Variants in TGFBR1 observed in about 807,000 individuals in gnomAD.
The protein encoded by TGFBR1 is TGF-beta receptor type-1.
TGFBR1 carries 20 observed loss-of-function variants against 55.1 expected under a neutral mutation model. That is an observed-to-expected ratio of 0.36 (90% CI 0.26 to 0.53). The LOEUF (loss-of-function observed/expected upper bound fraction) is 0.53. Among genes scored for constraint, TGFBR1 ranks in the 20% least tolerant of loss-of-function variants. The pLI, the probability that TGFBR1 is intolerant of heterozygous loss-of-function variation, is 0.91. For synonymous variants in TGFBR1, 220 were observed against 214.8 expected (o/e 1.02, Z -0.21); for missense variants, 385 against 617.6 (o/e 0.62, Z 3.99).
chr9:99,134,412 G>C (rs1827355253), intron 3 of TGFBR1, among the ~76,000 whole-genome samples: 1 of 152,128 alleles, frequency 6.6e-6, no homozygotes, highest in African/African-American at 2.4e-5. Context: ...TCTTAGTACT[G>C]AAGGTGTGAT....
intron 2 of TGFBR1, among the ~76,000 whole-genome samples, chr9:99,130,791 G>A (rs11568763): frequency 0.014 from 2,189 of 152,262 alleles, 18 homozygotes; most frequent in Non-Finnish European, 0.022. Context: ...AAACAGTACA[G>A]GGTCTATTTT....
intron 7 of TGFBR1, 111 bp downstream of exon 7, chr9:99,146,720 A>T (rs1245230222): frequency 1.3e-6 from 2 of 1,533,088 alleles, no homozygotes; most frequent in Non-Finnish European, 1.8e-6. Context: ...CTGAAACAGG[A>T]TGTCACCGAG....
chr9:99,129,133 A>G lies in TGFBR1; in HGVS notation c.343+33A>G, dbSNP rs199755447. ...GTATAAAATTTTTTTCCTAGATACT[A>G]CAAGAAAAACTCTTCATACTCTGTG... On this transcript the variant is annotated intron_variant, in intron 2 of 8. Coordinates refer to ENST00000374994, the MANE Select transcript of TGFBR1 (RefSeq NM_004612.4). The G allele has an allele frequency of 3.0e-4, 481 of 1,605,640 alleles. 3 individuals carry two copies. In the African/African-American group the frequency reaches 4.9e-3, roughly 17 times the overall value.
In TGFBR1 at chr9:99,153,546, T is replaced by G. The variant is rs1373349047; in HGVS notation, c.*4241T>G. 1 of 194,146 alleles carries G rather than the reference T, an allele frequency of 5.2e-6. No individual in the cohort carries two copies. Among genetic ancestry groups the G allele is most frequent in the Non-Finnish European group, 1.1e-5 (1 of 92,812 alleles). 12.0% of individuals were successfully genotyped at this position (194,146 alleles called of 1,614,324 possible). On this transcript the variant is annotated 3_prime_UTR_variant, in exon 9 of 9. Coordinates refer to ENST00000374994, the MANE Select transcript of TGFBR1 (RefSeq NM_004612.4). ...ATTGTATATTGTATTTGTAGTAATA[T>G]TCCAAAAGAATGTAAATAGGAAATA...
At chr9:99,135,666 G>A (rs1827414814) in intron 3 of TGFBR1, among the ~76,000 whole-genome samples, 1 of 152,080 alleles carries the variant, frequency 6.6e-6, no homozygotes, top group African/African-American at 2.4e-5. Context: ...TGCAGCTTAT[G>A]AGCTCTTGTA....
chr9:99,149,236 T>A lies in TGFBR1; in HGVS notation c.1443T>A (p.Ala481=), dbSNP rs886063225. 1.2e-6 allele frequency: 2 copies of A among 1,613,834 alleles called. No individual in the cohort carries two copies. The highest frequency in any genetic ancestry group is 4.5e-5 in the East Asian group (2 of 44,870). ...MRECWYANGA[A]RLTALRIKKT... ...AATGTTGGTATGCCAATGGAGCAGC[T>A]AGGCTTACAGCATTGCGGATTAAGA... is the stretch of plus-strand genomic sequence containing the variant. The change falls in exon 9 of 9, where the codon GCT becomes GCA. Residue 481 remains alanine (A), a synonymous_variant. Coordinates refer to ENST00000374994, the MANE Select transcript of TGFBR1 (RefSeq NM_004612.4).
At chr9:99,138,658 G>A (rs1475764385) in intron 4 of TGFBR1, among the ~76,000 whole-genome samples, 2 of 152,174 alleles carry the variant, frequency 1.3e-5, no homozygotes, top group Non-Finnish European at 2.9e-5. Flanking sequence ...TGGTGCCTGA[G>A]GCCCAGTGTC....
At chr9:99,110,319 A>G (rs539594400) in intron 1 of TGFBR1, among the ~76,000 whole-genome samples, 112 of 152,306 alleles carry the variant, frequency 7.4e-4, no homozygotes, top group African/African-American at 2.6e-3. Context: ...TACATATTCT[A>G]TCTGTCTTGT....
At chr9:99,146,996 TAGTTAC>T (rs1827816085) in intron 7 of TGFBR1, among the ~76,000 whole-genome samples, 2 of 152,244 alleles carry the variant, frequency 1.3e-5, no homozygotes, top group Non-Finnish European at 2.9e-5. Flanking sequence ...TCCAACTTGA[TAGTTAC>T]AGTTACATAC....
intron 4 of TGFBR1, among the ~76,000 whole-genome samples, chr9:99,138,775 G>A (rs908804443): frequency 6.6e-6 from 1 of 151,946 alleles, no homozygotes; most frequent in Non-Finnish European, 1.5e-5. Context: ...CTTAGCTTCC[G>A]TTAATACCTT....
chr9:99,146,390 T>C, intron 6 of TGFBR1, 95 bp from the exon 7 acceptor site: 12 of 1,368,668 alleles, frequency 8.8e-6, no homozygotes, highest in Non-Finnish European at 9.4e-6. Flanking sequence ...ATTGTGTACA[T>C]ATGTCTATGT....
chr9:99,117,131 A>G (rs1826768666), intron 1 of TGFBR1, among the ~76,000 whole-genome samples: 1 of 152,184 alleles, frequency 6.6e-6, no homozygotes. Flanking sequence ...GTTGTCACCC[A>G]GGCTGGAATG....
Position 99,151,183 on chromosome 9 carries a change from T to G in TGFBR1, c.*1878T>G, listed in dbSNP as rs201434094. ...AGTGACATATTACATAGGAATTTAG[T>G]GTCAATTTCATGTGTTTAAAAACAT... On this transcript the variant is annotated 3_prime_UTR_variant, in exon 9 of 9. Transcript: ENST00000374994. 2 of 230,420 alleles carry G rather than the reference T, an allele frequency of 8.7e-6. No homozygotes were observed. The highest frequency in any genetic ancestry group is 1.7e-5 in the Non-Finnish European group (2 of 116,384). 14.3% of individuals were successfully genotyped at this position (230,420 alleles called of 1,614,324 possible). A position where few individuals can be genotyped will look rare whatever the true frequency, so the allele number is the denominator to read the frequency against.
chr9:99,143,220 A>AT (rs915892883), intron 5 of TGFBR1, among the ~76,000 whole-genome samples: 5 of 152,128 alleles, frequency 3.3e-5, no homozygotes, highest in African/African-American at 1.2e-4. Context: ...CAAAACTGTG[A>AT]TTTTTTTTGA....
At chr9:99,143,212 A>G (rs1827682155) in intron 5 of TGFBR1, among the ~76,000 whole-genome samples, 1 of 152,246 alleles carries the variant, frequency 6.6e-6, no homozygotes. Flanking sequence ...CGTTGTAACA[A>G]AACTGTGATT....
At chr9:99,115,794 A>G (rs966471179) in intron 1 of TGFBR1, among the ~76,000 whole-genome samples, 1 of 152,146 alleles carries the variant, frequency 6.6e-6, no homozygotes, top group Admixed American at 6.5e-5. Context: ...TGTATTGTAG[A>G]TTTCCTTCAA....
At position 99,151,735 on chromosome 9, in the gene TGFBR1, CT is replaced by C. The variant is rs2118892239; in HGVS notation, c.*2436del. ...CTTTACGTATTACTGCAGTTAATTCCTTTTTTGGCTAGGGATGGTTTGATAA... is the reference window on the plus strand; with the variant it reads ...CTTTACGTATTACTGCAGTTAATTCCTTTTTGGCTAGGGATGGTTTGATAA... On this transcript the variant is annotated 3_prime_UTR_variant, in exon 9 of 9. Coordinates refer to ENST00000374994, the MANE Select transcript of TGFBR1 (RefSeq NM_004612.4). The C allele has an allele frequency of 1.8e-5, 4 of 220,978 alleles. No individual in the cohort carries two copies. Among genetic ancestry groups the C allele is most frequent in the African/African-American group, 2.2e-5 (1 of 44,702 alleles). 13.7% of individuals were successfully genotyped at this position (220,978 alleles called of 1,614,324 possible).
intron 1 of TGFBR1, among the ~76,000 whole-genome samples, chr9:99,111,032 TAC>T (rs776708606): frequency 7.8e-4 from 119 of 152,354 alleles, no homozygotes; most frequent in Non-Finnish European, 4.4e-4. Context: ...TTGCCTTGAT[TAC>T]AGTTTTACTA....
rs1213018748 is a variant in TGFBR1, at chr9:99,149,475, A to G, written c.*170A>G. ...TTCCCAGGATTTCTTTGGACCCAGGAAACAGCCATGTGGGTCCTTTCTGTG... is the reference window on the plus strand; with the variant it reads ...TTCCCAGGATTTCTTTGGACCCAGGGAACAGCCATGTGGGTCCTTTCTGTG... On this transcript the variant is annotated 3_prime_UTR_variant, in exon 9 of 9. Coordinates refer to ENST00000374994, the MANE Select transcript of TGFBR1 (RefSeq NM_004612.4). 1 of 861,786 alleles carries G rather than the reference A, an allele frequency of 1.2e-6. No individual in the cohort carries two copies. Among genetic ancestry groups the G allele is most frequent in the Non-Finnish European group, 1.8e-6 (1 of 549,344 alleles). The allele number at this position is 861,786 out of a possible 1,614,324, so 53.4% of individuals were successfully genotyped here.
Sources: gnomAD v4.1 joint callset for allele counts (sites outside exome capture counted in the v4.1 genomes callset) on GRCh38, gnomAD v4.1.1 for gene constraint, MANE v1.5 for transcripts, NCBI Gene and HGNC (gene_info 2026-07-23, HGNC 2026-07-21) for gene names.